The following CHRM3 variants were observed in gnomAD, a reference collection of about 807,000 sequenced individuals.
CHRM3 encodes the protein cholinergic receptor muscarinic 3, also known as muscarinic acetylcholine receptor M3.
In CHRM3, 11 loss-of-function variants were observed where a neutral mutation model predicts 41.8. That is an observed-to-expected ratio of 0.26 (90% CI 0.17 to 0.44). CHRM3 has a LOEUF of 0.44. CHRM3 is among the 20% of genes least tolerant of loss of function. CHRM3 has a pLI of 1.00. For synonymous variants in CHRM3, 297 were observed against 301.4 expected, an observed-to-expected ratio of 0.99 and a Z score of 0.15; for missense variants, 571 against 745.4, an observed-to-expected ratio of 0.77 and a Z score of 2.72.
chr1:239,389,108 C>T (rs1658797863), intron 1 of CHRM3, among the ~76,000 whole-genome samples: 1 of 151,890 alleles, frequency 6.6e-6, no homozygotes, highest in African/African-American at 2.4e-5. Flanking sequence ...ATGAACATGA[C>T]AGTTGAAAAA....
intron 1 of CHRM3, among the ~76,000 whole-genome samples, chr1:239,442,130 T>A (rs1663772694): frequency 6.8e-6 from 1 of 146,166 alleles, no homozygotes; most frequent in Non-Finnish European, 1.5e-5. Context: ...TTAAAGACAG[T>A]TTAAATATAC....
At chr1:239,714,190 C>T (rs1388069781) in intron 5 of CHRM3, 2 of 152,170 alleles carry the variant, frequency 1.3e-5, no homozygotes, top group East Asian at 3.9e-4. Context: ...ACTAGCACAG[C>T]CAGCATGCCA....
At chr1:239,857,718 CAGAA>C in intron 6 of CHRM3, among the ~76,000 whole-genome samples, 1 of 152,168 alleles carries the variant, frequency 6.6e-6, no homozygotes, top group South Asian at 2.1e-4. Flanking sequence ...CAGCTAGGTC[CAGAA>C]AGAGACCTGG....
intron 5 of CHRM3, among the ~76,000 whole-genome samples, chr1:239,806,783 A>G (rs1198894354): frequency 6.6e-6 from 1 of 152,248 alleles, no homozygotes; most frequent in Non-Finnish European, 1.5e-5. Context: ...TGTTCAGAAT[A>G]GGCAATGCTG....
intron 4 of CHRM3, among the ~76,000 whole-genome samples, chr1:239,668,115 T>C (rs1167647959): frequency 3.6e-5 from 5 of 140,340 alleles, no homozygotes; most frequent in East Asian, 2.1e-4. Flanking sequence ...TTTTTTTTTT[T>C]TGAGACAGAG....
At chr1:239,456,170 T>C (rs1008157982) in intron 1 of CHRM3, among the ~76,000 whole-genome samples, 1 of 152,162 alleles carries the variant, frequency 6.6e-6, no homozygotes, top group East Asian at 1.9e-4. Context: ...AAAACAAATA[T>C]AAATTTTAAG....
chr1:239,643,962 A>G (rs1293271744), intron 4 of CHRM3, among the ~76,000 whole-genome samples: 5 of 152,252 alleles, frequency 3.3e-5, no homozygotes, highest in African/African-American at 1.2e-4. Flanking sequence ...AAGAACAAGT[A>G]GATGATAGAA....
At chr1:239,628,778 G>A (rs1268028717) in intron 3 of CHRM3, among the ~76,000 whole-genome samples, 7 of 49,724 alleles carry the variant, frequency 1.4e-4, no homozygotes, top group African/African-American at 5.7e-4. Flanking sequence ...GTGTCAGTGT[G>A]CCCCTGCTGG....
At chr1:239,532,919 G>GT (rs1366338992) in intron 2 of CHRM3, among the ~76,000 whole-genome samples, 2 of 151,708 alleles carry the variant, frequency 1.3e-5, no homozygotes, top group Admixed American at 6.6e-5. Flanking sequence ...GCAATAAAAA[G>GT]TTTTTTTTCT....
chr1:239,630,209 G>T (rs1669657907), intron 3 of CHRM3, among the ~76,000 whole-genome samples: 1 of 152,084 alleles, frequency 6.6e-6, no homozygotes, highest in Admixed American at 6.6e-5. Flanking sequence ...GTTTATGTCT[G>T]TTTTAACATT....
intron 1 of CHRM3, among the ~76,000 whole-genome samples, chr1:239,446,983 A>G (rs371888377): frequency 2.0e-5 from 3 of 152,188 alleles, no homozygotes; most frequent in South Asian, 2.1e-4. Flanking sequence ...ATTCAGAATA[A>G]AAGGATTTTG....
chr1:239,634,685 G>GA (rs200955746), intron 4 of CHRM3, among the ~76,000 whole-genome samples: 8 of 148,962 alleles, frequency 5.4e-5, no homozygotes, highest in East Asian at 2.0e-4. Context: ...ACTTGGTTCA[G>GA]AAAAAAAAAT....
chr1:239,399,959 C>A (rs1659825623), intron 1 of CHRM3, among the ~76,000 whole-genome samples: 1 of 152,046 alleles, frequency 6.6e-6, no homozygotes, highest in Admixed American at 6.6e-5. Flanking sequence ...GTTGCCCAGG[C>A]TGGAGTGCAA....
chr1:239,618,582 C>G (rs369375663), intron 3 of CHRM3, among the ~76,000 whole-genome samples: 1 of 151,828 alleles, frequency 6.6e-6, no homozygotes, highest in African/African-American at 2.4e-5. Flanking sequence ...CGGTGGCTCA[C>G]GCCTGTAATC....
At chr1:239,439,901 TA>T (rs1663571514) in intron 1 of CHRM3, among the ~76,000 whole-genome samples, 1 of 152,102 alleles carries the variant, frequency 6.6e-6, no homozygotes, top group Non-Finnish European at 1.5e-5. Context: ...TCAGGAAGTG[TA>T]AAAACCTCTC....
intron 1 of CHRM3, among the ~76,000 whole-genome samples, chr1:239,429,784 T>A (rs946337157): frequency 2.3e-5 from 2 of 85,338 alleles, no homozygotes; most frequent in African/African-American, 7.2e-5. Flanking sequence ...TCGTAGGGAG[T>A]TTTTTTTTTT....
At chr1:239,759,182 G>GTTT (rs1346616146) in intron 5 of CHRM3, among the ~76,000 whole-genome samples, 1 of 42,918 alleles carries the variant, frequency 2.3e-5, no homozygotes, top group African/African-American at 8.9e-5. Flanking sequence ...TTTTTTTTTT[G>GTTT]TTTTTTTTTT....
At chr1:239,674,023 G>T (rs937798134) in intron 4 of CHRM3, among the ~76,000 whole-genome samples, 1 of 151,990 alleles carries the variant, frequency 6.6e-6, no homozygotes, top group Non-Finnish European at 1.5e-5. Context: ...TGGATTTTTC[G>T]GTTAGGAATG....
At chr1:239,667,457 C>T (rs1044922462) in intron 4 of CHRM3, among the ~76,000 whole-genome samples, 2 of 152,170 alleles carry the variant, frequency 1.3e-5, no homozygotes, top group Non-Finnish European at 2.9e-5. Flanking sequence ...AAGGCCTTTT[C>T]TCCCCTACAT....
Sources: gnomAD v4.1 joint callset for allele counts (sites outside exome capture counted in the v4.1 genomes callset) on GRCh38, gnomAD v4.1.1 for gene constraint, MANE v1.5 for transcripts, NCBI Gene and HGNC (gene_info 2026-07-23, HGNC 2026-07-21) for gene names.